The following CSMD1 variants were observed in gnomAD, a reference collection of about 807,000 sequenced individuals.
CSMD1 encodes CUB and Sushi multiple domains 1, also known as CUB and sushi domain-containing protein 1.
CSMD1 carries 213 observed loss-of-function variants against 417.5 expected under a neutral mutation model. That is an observed-to-expected ratio of 0.51 (90% CI 0.46 to 0.57). The LOEUF is 0.57. Among genes scored for constraint, CSMD1 ranks in the 20% least tolerant of loss-of-function variants. The probability of loss-of-function intolerance (pLI) is 0.00; values close to 1 mark genes in which losing one functional copy is unlikely to be tolerated. For synonymous variants in CSMD1, 2,862 were observed against 1,736.8 expected, an observed-to-expected ratio of 1.65 and a Z score of -16.11; for missense variants, 6,923 against 4,529.7, an observed-to-expected ratio of 1.53 and a Z score of -15.17.
intron 7 of CSMD1, among the ~76,000 whole-genome samples, chr8:3,688,388 T>A (rs1026404875): frequency 1.3e-5 from 2 of 152,170 alleles, no homozygotes; most frequent in African/African-American, 4.8e-5. Flanking sequence ...AATTGAGAAA[T>A]AGACAGAGGT....
Position 3,835,339 on chromosome 8 carries a change from C to G in CSMD1, c.819-81297G>C, listed in dbSNP as rs1005039978. 4.6e-5 allele frequency among the ~76,000 whole-genome samples: 7 copies of G among 152,252 alleles called. No individual in the cohort carries two copies. In the East Asian group the frequency reaches 7.7e-4, roughly 17 times the overall value. On this transcript the variant is annotated intron_variant, in intron 5 of 69. Transcript: ENST00000635120. ...ATCCCAAATGTCCAACAACGACAGA[C>G]TGGATTAAGAAACTGTGGTCCATAT...
chr8:3,387,206 C>G (rs1264077631), intron 18 of CSMD1, among the ~76,000 whole-genome samples: 1 of 152,148 alleles, frequency 6.6e-6, no homozygotes, highest in Admixed American at 6.6e-5. Context: ...CCCCACGTGC[C>G]AGTTTCAATA....
At chr8:3,346,837 A>C (rs1325016213) in intron 22 of CSMD1, among the ~76,000 whole-genome samples, 5 of 152,232 alleles carry the variant, frequency 3.3e-5, no homozygotes, top group Non-Finnish European at 7.3e-5. Flanking sequence ...ATCTACGTAG[A>C]TGTAAATTAA....
At chr8:3,278,078 G>C (rs966819381) in intron 26 of CSMD1, among the ~76,000 whole-genome samples, 6 of 152,008 alleles carry the variant, frequency 3.9e-5, no homozygotes, top group Admixed American at 3.3e-4. Context: ...GATCTTTAGA[G>C]TTTCAAGGGA....
At chr8:3,994,616 G>T (rs964645577) in intron 5 of CSMD1, among the ~76,000 whole-genome samples, 3 of 151,566 alleles carry the variant, frequency 2.0e-5, no homozygotes. Context: ...ATTAGAATCC[G>T]ACTAGTTAAA....
intron 6 of CSMD1, 61 bp from the exon 7 acceptor site, chr8:3,708,552 T>A (rs1483422185): frequency 7.1e-6 from 10 of 1,403,252 alleles, no homozygotes; most frequent in Non-Finnish European, 1.0e-5. Context: ...AACCATGTTG[T>A]ATCCACACAG....
chr8:4,932,557 G>A (rs547767052), intron 1 of CSMD1, among the ~76,000 whole-genome samples: 4 of 152,268 alleles, frequency 2.6e-5, no homozygotes, highest in East Asian at 1.9e-4. Context: ...AGCTTGTGAC[G>A]TGTGCTCTTG....
rs146689380 is a variant in CSMD1, at chr8:3,599,018, T to A, written c.1098-12758A>T. Among the ~76,000 whole-genome samples the A allele has an allele frequency of 5.9e-5, 9 of 151,914 alleles. No homozygotes were observed. The East Asian group carries it at 1.6e-3, about 26-fold the overall frequency. On this transcript the variant is annotated intron_variant, in intron 8 of 69. Transcript: ENST00000635120. ...ATTCCGTGAATGTGGGAGGTAGGGG[T>A]TGCAGTGAGCAGAGCTTGCAACAAT...
rs540088168 is a variant in CSMD1 at position 4,666,263 on chromosome 8, C to T, written c.86-28705G>A. On this transcript the variant is annotated intron_variant, in intron 1 of 69. Transcript: ENST00000635120. ...GGAATCAAGGTAACAGATGGAATCA[C>T]GGTTGCTAATAAGCTAACCTTAGAA... is the stretch of plus-strand genomic sequence containing the variant. Among the ~76,000 whole-genome samples the T allele has an allele frequency of 7.9e-5, 12 of 152,242 alleles. 1 individual carries two copies. In the South Asian group the frequency reaches 1.0e-3, roughly 13 times the overall value.
At chr8:4,218,513 G>C (rs544377023) in intron 3 of CSMD1, among the ~76,000 whole-genome samples, 1 of 152,052 alleles carries the variant, frequency 6.6e-6, no homozygotes, top group Non-Finnish European at 1.5e-5. Context: ...AATAATATTT[G>C]CATTTATGCC....
intron 5 of CSMD1, among the ~76,000 whole-genome samples, chr8:3,915,519 G>A (rs1032384070): frequency 6.6e-6 from 1 of 150,992 alleles, no homozygotes. Context: ...ACTGGGCTTT[G>A]TTGATCATAC....
chr8:4,491,986 G>T (rs986505398), intron 2 of CSMD1, among the ~76,000 whole-genome samples: 7 of 147,378 alleles, frequency 4.7e-5, no homozygotes, highest in African/African-American at 1.8e-4. Context: ...ATTAATAGAT[G>T]AATGGATAAA....
chr8:4,146,217 A>T (rs1372904203), intron 3 of CSMD1, among the ~76,000 whole-genome samples: 2 of 151,078 alleles, frequency 1.3e-5, no homozygotes, highest in African/African-American at 2.5e-5. Context: ...TCGTTTGGAA[A>T]CATGAACTTG....
intron 3 of CSMD1, among the ~76,000 whole-genome samples, chr8:4,283,497 T>C (rs1585155274): frequency 6.6e-6 from 1 of 152,210 alleles, no homozygotes. Flanking sequence ...TATTTTGCTT[T>C]TGTCCAATCA....
intron 5 of CSMD1, among the ~76,000 whole-genome samples, chr8:3,991,604 G>A: frequency 6.6e-6 from 1 of 152,182 alleles, no homozygotes; most frequent in African/African-American, 2.4e-5. Context: ...CCACCACACA[G>A]TAACAGAGAT....
intron 11 of CSMD1, among the ~76,000 whole-genome samples, chr8:3,475,545 T>C (rs1261901822): frequency 1.3e-5 from 2 of 152,178 alleles, no homozygotes; most frequent in African/African-American, 2.4e-5. Flanking sequence ...TTTAGCTAAA[T>C]CATTTTATCT....
chr8:4,091,892 T>C (rs553439428), intron 3 of CSMD1, among the ~76,000 whole-genome samples: 1 of 152,316 alleles, frequency 6.6e-6, no homozygotes, highest in South Asian at 2.1e-4. Context: ...GTAAGAACCG[T>C]ACAGAGTTTT....
chr8:3,172,406 T>G (rs1022518396), intron 37 of CSMD1, among the ~76,000 whole-genome samples: 1 of 152,238 alleles, frequency 6.6e-6, no homozygotes, highest in Non-Finnish European at 1.5e-5. Flanking sequence ...GAGGCATTGC[T>G]GTCATCTGCA....
intron 3 of CSMD1, among the ~76,000 whole-genome samples, chr8:4,400,622 C>A (rs1443825187): frequency 6.6e-6 from 1 of 152,228 alleles, no homozygotes; most frequent in South Asian, 2.1e-4. Context: ...GGGATCCAGA[C>A]TGACCTGCAA....
Sources: gnomAD v4.1 joint callset for allele counts (sites outside exome capture counted in the v4.1 genomes callset) on GRCh38, gnomAD v4.1.1 for gene constraint, MANE v1.5 for transcripts, NCBI Gene and HGNC (gene_info 2026-07-23, HGNC 2026-07-21) for gene names.